Variants in PTPRZ1 observed in about 807,000 individuals in gnomAD.
PTPRZ1 encodes the protein receptor-type tyrosine-protein phosphatase zeta.
In PTPRZ1, 82 loss-of-function variants were observed where a neutral mutation model predicts 214.1. That is an observed-to-expected ratio of 0.38 (90% CI 0.32 to 0.46). The LOEUF (loss-of-function observed/expected upper bound fraction) is 0.46. Among genes scored for constraint, PTPRZ1 ranks in the 20% least tolerant of loss-of-function variants. The probability of loss-of-function intolerance (pLI) is 1.00; values close to 1 mark genes in which losing one functional copy is unlikely to be tolerated. For synonymous variants in PTPRZ1, 945 were observed against 987.9 expected (o/e 0.96, Z 0.81); for missense variants, 2,603 against 2,748.7 (o/e 0.95, Z 1.19).
chr7:122,048,452 G>A (rs949404118), intron 23 of PTPRZ1, among the ~76,000 whole-genome samples: 3 of 152,076 alleles, frequency 2.0e-5, no homozygotes, highest in African/African-American at 7.2e-5. Context: ...TATATGAAAT[G>A]AATAATTTAT....
intron 1 of PTPRZ1, among the ~76,000 whole-genome samples, chr7:121,909,329 G>C (rs748796141): frequency 8.5e-5 from 13 of 152,264 alleles, no homozygotes; most frequent in Non-Finnish European, 8.8e-5. Context: ...AAAATGACCT[G>C]AGCACACAAG....
intron 26 of PTPRZ1, 76 bp downstream of exon 26, chr7:122,054,114 A>G: frequency 1.3e-6 from 2 of 1,496,666 alleles, no homozygotes; most frequent in East Asian, 4.6e-5. Flanking sequence ...AGTCCAGCAT[A>G]CAAACAAGCA....
chr7:121,994,368 C>G (rs143188224), intron 8 of PTPRZ1, among the ~76,000 whole-genome samples: 147 of 123,564 alleles, frequency 1.2e-3, no homozygotes, highest in African/African-American at 3.8e-3. Flanking sequence ...AATCTGGGCT[C>G]ACTGCAAGCT....
At chr7:121,955,429 CTTTGTTTG>C (rs71172155) in intron 2 of PTPRZ1, among the ~76,000 whole-genome samples, 5,917 of 150,568 alleles carry the variant, frequency 0.039, 159 homozygotes, top group African/African-American at 0.065. Flanking sequence ...TCCACCAGGG[CTTTGTTTG>C]TTTGTTTGTT....
chr7:122,023,488 T>C (rs1052142349), intron 13 of PTPRZ1, among the ~76,000 whole-genome samples: 1 of 134,992 alleles, frequency 7.4e-6, no homozygotes, highest in Non-Finnish European at 1.5e-5. Flanking sequence ...TATAATTTTA[T>C]ATATAATTAT....
chr7:121,976,885 T>G, intron 6 of PTPRZ1, 34 bp downstream of exon 6: 1 of 1,575,952 alleles, frequency 6.3e-7, no homozygotes, highest in South Asian at 1.1e-5. Flanking sequence ...TTCTTCAGGA[T>G]TCTGCTTTGG....
intron 2 of PTPRZ1, among the ~76,000 whole-genome samples, chr7:121,962,267 TG>T (rs1318883327): frequency 6.6e-6 from 1 of 151,912 alleles, no homozygotes; most frequent in African/African-American, 2.4e-5. Context: ...GCCAACATGG[TG>T]AAACCCTGTT....
intron 12 of PTPRZ1, among the ~76,000 whole-genome samples, chr7:122,017,883 C>T (rs943801789): frequency 6.6e-6 from 1 of 151,948 alleles, no homozygotes; most frequent in African/African-American, 2.4e-5. Flanking sequence ...GATACATTCC[C>T]TTTATTAATG....
chr7:122,044,087 G>A (rs764351130), intron 22 of PTPRZ1, among the ~76,000 whole-genome samples: 3 of 152,124 alleles, frequency 2.0e-5, no homozygotes, highest in Non-Finnish European at 4.4e-5. Context: ...TAGAAGTCAA[G>A]AAAGCCCTCT....
At chr7:121,905,650 TACAC>T (rs10528167) in intron 1 of PTPRZ1, among the ~76,000 whole-genome samples, 9 of 145,356 alleles carry the variant, frequency 6.2e-5, no homozygotes, top group Non-Finnish European at 9.1e-5. Flanking sequence ...TTCTATTCTT[TACAC>T]ACACACACAC....
At chr7:121,878,123 T>C (rs532709659) in intron 1 of PTPRZ1, among the ~76,000 whole-genome samples, 3 of 152,200 alleles carry the variant, frequency 2.0e-5, no homozygotes, top group Admixed American at 6.5e-5. Flanking sequence ...AGAAAAAATA[T>C]CATATAGCAC....
chr7:121,945,881 T>A (rs1240531393), intron 2 of PTPRZ1, among the ~76,000 whole-genome samples: 1 of 152,228 alleles, frequency 6.6e-6, no homozygotes, highest in African/African-American at 2.4e-5. Context: ...TGGGGTAATT[T>A]TCTCAAAAGT....
rs1380474428 is a variant in PTPRZ1 at position 122,028,455 on chromosome 7, TA to T, written c.4989-95del. 9.1e-6 allele frequency: 8 copies of T among 883,322 alleles called. No homozygotes were observed. In the East Asian group the frequency reaches 2.1e-4, roughly 23 times the overall value. The allele number at this position is 883,322 out of a possible 1,614,324, so 54.7% of individuals were successfully genotyped here. On this transcript the variant is annotated intron_variant, in intron 13 of 29. Transcript: ENST00000393386. ...TCTGGGTATATACCTGCTTTTGTTT[TA>T]ATTCTGGAGATTTCTATCAAAATTT...
chr7:121,905,544 A>G (rs1795089572), intron 1 of PTPRZ1, among the ~76,000 whole-genome samples: 1 of 152,142 alleles, frequency 6.6e-6, no homozygotes, highest in South Asian at 2.1e-4. Flanking sequence ...GGAAATTGAC[A>G]TCTATAGGGA....
chr7:122,015,541 A>G (rs907312703), intron 12 of PTPRZ1, among the ~76,000 whole-genome samples: 2 of 152,114 alleles, frequency 1.3e-5, no homozygotes, highest in Non-Finnish European at 2.9e-5. Flanking sequence ...CACTATAGTC[A>G]TTAGTGCTGT....
chr7:122,023,469 A>T (rs1398516324), intron 13 of PTPRZ1, among the ~76,000 whole-genome samples: 3 of 140,486 alleles, frequency 2.1e-5, no homozygotes, highest in African/African-American at 5.2e-5. Flanking sequence ...TTTGGGATTT[A>T]TATATATATA....
At chr7:121,924,805 A>G (rs994184878) in intron 1 of PTPRZ1, among the ~76,000 whole-genome samples, 23 of 152,350 alleles carry the variant, frequency 1.5e-4, no homozygotes, top group African/African-American at 4.8e-4. Context: ...AATGTATATA[A>G]AATGTCAAGG....
At chr7:121,956,070 T>C (rs1167429032) in intron 2 of PTPRZ1, among the ~76,000 whole-genome samples, 3 of 152,060 alleles carry the variant, frequency 2.0e-5, no homozygotes. Context: ...CAGCATCCTC[T>C]CGCCAGAACT....
intron 13 of PTPRZ1, among the ~76,000 whole-genome samples, chr7:122,019,596 C>T (rs1798955578): frequency 6.6e-6 from 1 of 151,104 alleles, no homozygotes; most frequent in South Asian, 2.1e-4. Flanking sequence ...GTTATAATTC[C>T]AAAAATTAAG....
Sources: allele counts gnomAD v4.1 joint callset (sites outside exome capture counted in the v4.1 genomes callset), GRCh38; gene constraint gnomAD v4.1.1; transcripts MANE v1.5; gene names NCBI Gene and HGNC (gene_info 2026-07-23, HGNC 2026-07-21).